C16orf96: variants seen among roughly 807,000 people sequenced by gnomAD.
C16orf96 encodes uncharacterized protein C16orf96.
In C16orf96, 108 loss-of-function variants were observed where a neutral mutation model predicts 103.6. That is an observed-to-expected ratio of 1.04 (90% confidence interval 0.89 to 1.22). The LOEUF (loss-of-function observed/expected upper bound fraction) is 1.22, where lower values mean the gene tolerates loss of function less well. Among genes scored for constraint, C16orf96 ranks in the 50% most tolerant of loss-of-function variants. The probability of loss-of-function intolerance (pLI) is 0.00; values close to 1 mark genes in which losing one functional copy is unlikely to be tolerated. For missense variants in C16orf96, 1,586 were observed against 1,464.2 expected, an observed-to-expected ratio of 1.08 and a Z score of -1.36; for synonymous variants, 566 against 593.5, an observed-to-expected ratio of 0.95 and a Z score of 0.67.
At chr16:4,587,413 A>G (rs984453145) in intron 8 of C16orf96, among the ~76,000 whole-genome samples, 1 of 151,958 alleles carries the variant, frequency 6.6e-6, no homozygotes, top group African/African-American at 2.4e-5. Flanking sequence ...CTGTAATCTC[A>G]GCTATTTGAG....
chr16:4,554,723 G>C (rs2059247512), upstream of C16orf96, among the ~76,000 whole-genome samples: 1 of 151,204 alleles, frequency 6.6e-6, no homozygotes, highest in African/African-American at 2.4e-5. Flanking sequence ...CACAATCTTG[G>C]CTCACTGCAA....
chr16:4,588,312 G>T lies in C16orf96; in HGVS notation c.2573G>T (p.Ser858Ile). 6.4e-7 allele frequency: 1 copy of T among 1,551,340 alleles called. No homozygotes were observed. The change falls in exon 9 of 16, where the codon AGC (serine) becomes ATC (isoleucine). Residue 858 changes from serine (S) to isoleucine (I), a missense_variant. Transcript: ENST00000444310. Reference protein sequence around the residue: ...DSWKKAMEELSKDVNTKLVHS... With the variant: ...DSWKKAMEELIKDVNTKLVHS... ...TGGAAGAAGGCTATGGAGGAGCTCA[G>T]CAAGGACGTGAACACCAAGGTGAAT...
intron 8 of C16orf96, 131 bp from the exon 9 acceptor site, chr16:4,588,036 T>C: frequency 2.4e-6 from 2 of 824,976 alleles, no homozygotes; most frequent in Admixed American, 3.0e-5. Flanking sequence ...GACCCCAGGG[T>C]TGCATTTAAG....
the C16orf96 span, among the ~76,000 whole-genome samples, chr16:4,541,199 A>G: frequency 6.6e-6 from 1 of 152,196 alleles, no homozygotes; most frequent in Non-Finnish European, 1.5e-5. Flanking sequence ...GGCGTGAGCC[A>G]CCGCGCCCGG....
chr16:4,564,704 G>A (rs1023130871), intron 1 of C16orf96, among the ~76,000 whole-genome samples: 20 of 152,134 alleles, frequency 1.3e-4, no homozygotes, highest in African/African-American at 4.3e-4. Context: ...CCAGCCACTC[G>A]AGAGGCTGAG....
chr16:4,585,312 A>G lies in C16orf96; in HGVS notation c.2353-1727A>G, dbSNP rs11076842. Among the ~76,000 whole-genome samples the G allele has an allele frequency of 4.0e-3, 443 of 109,904 alleles. 65 individuals are homozygous for G. Among genetic ancestry groups the G allele is most frequent in the African/African-American group, 0.012 (344 of 28,824 alleles). 72.1% of individuals were successfully genotyped at this position (109,904 alleles called of 152,430 possible). A position where few individuals can be genotyped will look rare whatever the true frequency, so the allele number is the denominator to read the frequency against. On this transcript the variant is annotated intron_variant, in intron 7 of 15. Coordinates refer to ENST00000444310, the MANE Select transcript of C16orf96 (RefSeq NM_001145011.2). ...TCTACAAAAAAAAAAAAAAAAAAAA[A>G]TCCAGGTAGGTGGTGTCACCTGCAG... is the stretch of plus-strand genomic sequence containing the variant.
At position 4,599,320 on chromosome 16, in the gene C16orf96, A is replaced by T; in HGVS notation, c.3164A>T (p.Tyr1055Phe). The change falls in exon 15 of 16, where the codon TAT becomes TTT. Residue 1055 changes from tyrosine (Y) to phenylalanine (F), a missense_variant. Coordinates refer to ENST00000444310, the MANE Select transcript of C16orf96 (RefSeq NM_001145011.2). ...CCATCTCCCCCGTCACAAAGCCTGT[A>T]TGACCGTGTGCACTCCAGTGCCCTA... ...KAPSPPSQSL[Y>F]DRVHSSALFG... 1 of 1,551,624 alleles carries T rather than the reference A, an allele frequency of 6.4e-7. No homozygotes were observed. Among genetic ancestry groups the T allele is most frequent in the Non-Finnish European group, 8.7e-7 (1 of 1,146,966 alleles).
intron 8 of C16orf96, 140 bp from the exon 9 acceptor site, chr16:4,588,027 A>C (rs560704954): frequency 4.3e-6 from 3 of 702,672 alleles, no homozygotes; most frequent in Non-Finnish European, 6.7e-6. Flanking sequence ...ATCCACGTAG[A>C]CCCCAGGGTT....
intron 15 of C16orf96, 103 bp downstream of exon 15, chr16:4,599,467 TCCA>T (rs1897240991): frequency 2.2e-6 from 2 of 905,386 alleles, no homozygotes; most frequent in African/African-American, 3.3e-5. Flanking sequence ...GGCTCTCCTG[TCCA>T]CCTCCTCCAC....
At chr16:4,568,627 T>A (rs2141706941) in intron 1 of C16orf96, among the ~76,000 whole-genome samples, 1 of 121,402 alleles carries the variant, frequency 8.2e-6, no homozygotes, top group African/African-American at 2.8e-5. Context: ...CTTTTCTTTT[T>A]AATTTTTTTT....
intron 1 of C16orf96, chr16:4,561,530 A>T (rs932344319): frequency 2.6e-5 from 4 of 152,348 alleles, no homozygotes. Flanking sequence ...GCCTGCCTTG[A>T]TGGATGAAGG....
intron 1 of C16orf96, among the ~76,000 whole-genome samples, chr16:4,564,995 C>G (rs778473321): frequency 1.3e-5 from 2 of 152,142 alleles, no homozygotes; most frequent in African/African-American, 4.8e-5. Context: ...TTACATTCCT[C>G]GTTTCCGTGG....
chr16:4,588,418 A>T, intron 9 of C16orf96, 87 bp downstream of exon 9: 1 of 1,426,816 alleles, frequency 7.0e-7, no homozygotes. Context: ...TTTTCAGTTT[A>T]GGAGGAGCAA....
chr16:4,549,728 G>C, the C16orf96 span, among the ~76,000 whole-genome samples: 1 of 152,108 alleles, frequency 6.6e-6, no homozygotes, highest in Non-Finnish European at 1.5e-5. Flanking sequence ...AATCTGGGAG[G>C]CAGAGGTTGC....
intron 5 of C16orf96, among the ~76,000 whole-genome samples, chr16:4,578,490 T>C (rs1567448337): frequency 6.6e-6 from 1 of 151,966 alleles, no homozygotes; most frequent in Non-Finnish European, 1.5e-5. Context: ...CCGGGTGCGG[T>C]AGCTCATGCC....
intron 1 of C16orf96, among the ~76,000 whole-genome samples, chr16:4,565,380 G>C (rs773581395): frequency 6.6e-6 from 1 of 152,202 alleles, no homozygotes; most frequent in African/African-American, 2.4e-5. Flanking sequence ...CAGGACAGGA[G>C]TCCAGAGCAT....
intron 1 of C16orf96, among the ~76,000 whole-genome samples, chr16:4,563,297 T>C (rs763077586): frequency 6.6e-6 from 1 of 152,190 alleles, no homozygotes; most frequent in Non-Finnish European, 1.5e-5. Context: ...TCGCCCAGGC[T>C]GGGGTGCAGT....
intron 3 of C16orf96, 70 bp from the exon 4 acceptor site, chr16:4,574,902 T>C: frequency 6.6e-7 from 1 of 1,523,422 alleles, no homozygotes. Context: ...CTGGAAAGGT[T>C]TCTTTGCAGG....
intron 1 of C16orf96, among the ~76,000 whole-genome samples, chr16:4,558,271 C>T (rs1179665416): frequency 3.3e-5 from 5 of 152,292 alleles, no homozygotes; most frequent in South Asian, 2.1e-4. Context: ...CTGCTAACCC[C>T]GACCAGCACG....
Sources: gnomAD v4.1 joint callset for allele counts (sites outside exome capture counted in the v4.1 genomes callset) on GRCh38, gnomAD v4.1.1 for gene constraint, MANE v1.5 for transcripts, NCBI Gene and HGNC (gene_info 2026-07-23, HGNC 2026-07-21) for gene names.